The following MGAT4C variants were observed in gnomAD, a reference collection of about 807,000 sequenced individuals.
The protein encoded by MGAT4C is MGAT4 family member C, also known as alpha-1,3-mannosyl-glycoprotein 4-beta-N-acetylglucosaminyltransferase C.
A neutral mutation model predicts 40.1 loss-of-function variants in MGAT4C; 19 were observed. The observed-to-expected ratio is 0.47, with a 90% CI of 0.33 to 0.70. The LOEUF is 0.70. MGAT4C is among the 30% of genes least tolerant of loss of function. MGAT4C has a pLI of 0.02. For missense variants in MGAT4C, 491 were observed against 563.2 expected (o/e 0.87, Z 1.30); for synonymous variants, 181 against 187.1 (o/e 0.97, Z 0.27).
At chr12:86,593,665 T>C (rs77738052) in intron 2 of MGAT4C, among the ~76,000 whole-genome samples, 4,764 of 152,314 alleles carry the variant, frequency 0.031, 125 homozygotes, top group African/African-American at 0.075. Context: ...TTCCATATAC[T>C]TGTAAGTTTC....
At chr12:86,312,056 A>AT (rs1449013844) in intron 4 of MGAT4C, among the ~76,000 whole-genome samples, 1 of 152,124 alleles carries the variant, frequency 6.6e-6, no homozygotes, top group Non-Finnish European at 1.5e-5. Context: ...GAAAAAAAAA[A>AT]GGTGGGTTTT....
chr12:86,271,323 A>G (rs749539605), intron 4 of MGAT4C, among the ~76,000 whole-genome samples: 7 of 152,190 alleles, frequency 4.6e-5, no homozygotes, highest in South Asian at 2.1e-4. Flanking sequence ...GGAAAAGACC[A>G]ACTAATTACA....
At chr12:86,785,925 T>C (rs1423443050) in intron 1 of MGAT4C, among the ~76,000 whole-genome samples, 8 of 152,036 alleles carry the variant, frequency 5.3e-5, no homozygotes, top group Non-Finnish European at 8.8e-5. Context: ...AAAACCAGTA[T>C]GCAACTTAAA....
At chr12:86,053,977 G>A (rs537850488) in intron 1 of MGAT4C, among the ~76,000 whole-genome samples, 6 of 152,002 alleles carry the variant, frequency 3.9e-5, no homozygotes, top group Admixed American at 6.6e-5. Context: ...AGGAAACCCC[G>A]TGTACACTGA....
At chr12:86,421,343 T>C (rs567394567) in intron 3 of MGAT4C, among the ~76,000 whole-genome samples, 144 of 152,332 alleles carry the variant, frequency 9.5e-4, no homozygotes, top group African/African-American at 3.4e-3. Flanking sequence ...ATTCATCAAA[T>C]TCATTATTCT....
chr12:86,248,477 C>T (rs1952135427), intron 1 of MGAT4C, among the ~76,000 whole-genome samples: 1 of 147,754 alleles, frequency 6.8e-6, no homozygotes, highest in East Asian at 1.9e-4. Context: ...CTATTTTCTA[C>T]CCTCAGAACC....
At chr12:86,572,730 C>A (rs1592999911) in intron 2 of MGAT4C, among the ~76,000 whole-genome samples, 2 of 152,044 alleles carry the variant, frequency 1.3e-5, no homozygotes, top group South Asian at 4.1e-4. Context: ...CAAAATCTGC[C>A]CACTCTGTTA....
At position 85,969,597 on chromosome 12, in the gene MGAT4C, A is replaced by C. The variant is rs777245644; in HGVS notation, c.*9692T>G. ...TGAGAAAAAAATGTTTTACATGAAGAAACTAATTATTTAAATTCATTTTTC... is the reference window on the plus strand; with the variant it reads ...TGAGAAAAAAATGTTTTACATGAAGCAACTAATTATTTAAATTCATTTTTC... On this transcript the variant is annotated 3_prime_UTR_variant, in exon 5 of 5. Coordinates refer to ENST00000611864, the MANE Select transcript of MGAT4C (RefSeq NM_001351288.2). The C allele has an allele frequency of 5.3e-5, 8 of 151,648 alleles. No individual in the cohort carries two copies. The highest frequency in any genetic ancestry group is 1.0e-4 in the Non-Finnish European group (7 of 67,648). The allele number at this position is 151,648 out of a possible 1,614,324, so 9.4% of individuals were successfully genotyped here.
chr12:86,074,483 AT>A (rs1869274411), intron 1 of MGAT4C, among the ~76,000 whole-genome samples: 3 of 152,130 alleles, frequency 2.0e-5, no homozygotes, highest in Admixed American at 2.0e-4. Context: ...AATAATCCAT[AT>A]TTTTATAGAA....
chr12:86,230,487 T>C (rs573545171), intron 1 of MGAT4C, among the ~76,000 whole-genome samples: 27 of 152,298 alleles, frequency 1.8e-4, no homozygotes, highest in Non-Finnish European at 3.1e-4. Context: ...TTATTAGCAC[T>C]TAAATTACAG....
At chr12:86,100,922 T>C (rs1284226859) in intron 1 of MGAT4C, among the ~76,000 whole-genome samples, 1 of 151,692 alleles carries the variant, frequency 6.6e-6, no homozygotes, top group Non-Finnish European at 1.5e-5. Flanking sequence ...AATTGCAAGA[T>C]TGTCTTCATA....
intron 3 of MGAT4C, among the ~76,000 whole-genome samples, chr12:86,395,297 G>A (rs1447581704): frequency 6.6e-6 from 1 of 151,954 alleles, no homozygotes; most frequent in East Asian, 1.9e-4. Context: ...AGAGGTTCTG[G>A]CTTATTTTGA....
chr12:86,825,603 G>A (rs1952791612), intron 1 of MGAT4C, among the ~76,000 whole-genome samples: 1 of 151,370 alleles, frequency 6.6e-6, no homozygotes, highest in Non-Finnish European at 1.5e-5. Context: ...ACATTTGTAG[G>A]AAATACAAGG....
At chr12:86,771,618 G>C (rs1373469756) in intron 1 of MGAT4C, among the ~76,000 whole-genome samples, 1 of 151,948 alleles carries the variant, frequency 6.6e-6, no homozygotes, top group African/African-American at 2.4e-5. Context: ...AGGCCAAGGT[G>C]GGAGGATTAC....
At chr12:86,746,168 C>A (rs920175161) in intron 1 of MGAT4C, among the ~76,000 whole-genome samples, 1 of 151,688 alleles carries the variant, frequency 6.6e-6, no homozygotes, top group Non-Finnish European at 1.5e-5. Context: ...CAAGGCAGAG[C>A]AAACACTTGT....
At chr12:86,009,521 A>G (rs1284969717) in intron 2 of MGAT4C, among the ~76,000 whole-genome samples, 2 of 151,958 alleles carry the variant, frequency 1.3e-5, no homozygotes, top group African/African-American at 4.8e-5. Flanking sequence ...CTTTGAGTTC[A>G]CTCTCCTTGT....
intron 2 of MGAT4C, among the ~76,000 whole-genome samples, chr12:86,628,209 A>C (rs1390587037): frequency 6.6e-6 from 1 of 152,198 alleles, no homozygotes; most frequent in African/African-American, 2.4e-5. Flanking sequence ...AAAGAGTAAA[A>C]AGAAACAAAC....
intron 1 of MGAT4C, among the ~76,000 whole-genome samples, chr12:86,215,649 G>A (rs1321903558): frequency 6.6e-6 from 1 of 152,198 alleles, no homozygotes; most frequent in Non-Finnish European, 1.5e-5. Flanking sequence ...TCACGTTGCT[G>A]TGGGGAGCTC....
chr12:86,256,596 A>G (rs1266716981), upstream of MGAT4C, among the ~76,000 whole-genome samples: 1 of 152,118 alleles, frequency 6.6e-6, no homozygotes, highest in Admixed American at 6.6e-5. Flanking sequence ...GGGATCACAA[A>G]CTGAAAATAC....
Sources: gnomAD v4.1 joint callset for allele counts (sites outside exome capture counted in the v4.1 genomes callset) on GRCh38, gnomAD v4.1.1 for gene constraint, MANE v1.5 for transcripts, NCBI Gene and HGNC (gene_info 2026-07-23, HGNC 2026-07-21) for gene names.